CEP63: variants seen among roughly 807,000 people sequenced by gnomAD.
CEP63 encodes the protein centrosomal protein of 63 kDa.
A neutral mutation model predicts 89.1 loss-of-function variants in CEP63; 84 were observed. That is an observed-to-expected ratio of 0.94 (90% CI 0.79 to 1.13). The LOEUF (loss-of-function observed/expected upper bound fraction) is 1.13. Ranked by LOEUF, CEP63 falls within the 50% of genes most tolerant of loss-of-function variation. The pLI, the probability that CEP63 is intolerant of heterozygous loss-of-function variation, is 0.00. For missense variants in CEP63, 838 were observed against 813.3 expected, an observed-to-expected ratio of 1.03 and a Z score of -0.37; for synonymous variants, 267 against 272.5, an observed-to-expected ratio of 0.98 and a Z score of 0.20.
the CEP63 span, among the ~76,000 whole-genome samples, chr3:134,618,708 G>T: frequency 1.3e-5 from 2 of 152,202 alleles, no homozygotes; most frequent in African/African-American, 4.8e-5. Flanking sequence ...TGATTCAGCT[G>T]TCCAACTGAC....
chr3:134,674,411 G>A, the CEP63 span, among the ~76,000 whole-genome samples: 3 of 151,992 alleles, frequency 2.0e-5, no homozygotes, highest in South Asian at 2.1e-4. Flanking sequence ...AAAAACACTC[G>A]ACAAACTAGG....
the CEP63 span, among the ~76,000 whole-genome samples, chr3:134,641,777 T>G: frequency 6.6e-6 from 1 of 152,170 alleles, no homozygotes; most frequent in African/African-American, 2.4e-5. Context: ...ACTTCCCCCT[T>G]ATACCTTATC....
the CEP63 span, among the ~76,000 whole-genome samples, chr3:134,634,399 A>C: frequency 1.3e-4 from 20 of 152,254 alleles, no homozygotes; most frequent in Non-Finnish European, 2.8e-4. Context: ...AAGAGGATAG[A>C]TAAACAGATC....
rs1957683285 is a variant in CEP63 at position 134,564,932 on chromosome 3, G to A, written c.*3397G>A. 3 of 983,370 alleles carry A rather than the reference G, an allele frequency of 3.1e-6. No individual in the cohort carries two copies. Among genetic ancestry groups the A allele is most frequent in the South Asian group, 9.4e-5 (2 of 21,220 alleles). 60.9% of individuals were successfully genotyped at this position (983,370 alleles called of 1,614,324 possible). ...AAGCTGAAGTATCTAATAGTTAATG[G>A]GTTGTCCAAATTTGTCAGAACATTT... On this transcript the variant is annotated 3_prime_UTR_variant, in exon 15 of 15. Coordinates refer to ENST00000675561, the MANE Select transcript of CEP63 (RefSeq NM_001353108.3).
the CEP63 span, among the ~76,000 whole-genome samples, chr3:134,741,042 G>T: frequency 6.6e-6 from 1 of 152,150 alleles, no homozygotes; most frequent in Non-Finnish European, 1.5e-5. Flanking sequence ...GGGTGGGGGA[G>T]TGTAAGCTGA....
chr3:134,597,565 A>G, the CEP63 span, among the ~76,000 whole-genome samples: 1 of 152,316 alleles, frequency 6.6e-6, no homozygotes, highest in South Asian at 2.1e-4. Flanking sequence ...AGCACCTTCA[A>G]GGTCTGCCTG....
the CEP63 span, among the ~76,000 whole-genome samples, chr3:134,752,014 C>T: frequency 6.6e-6 from 1 of 152,150 alleles, no homozygotes; most frequent in African/African-American, 2.4e-5. Flanking sequence ...TCACTACTCC[C>T]CTGGGCCTGA....
chr3:134,486,626 C>T (rs1056750065), intron 1 of CEP63: 1 of 830,410 alleles, frequency 1.2e-6, no homozygotes, highest in African/African-American at 1.8e-5. Context: ...GCGGAGAGAC[C>T]CCAGTGCGGC....
the CEP63 span, chr3:134,619,161 C>T: frequency 1.1e-5 from 18 of 1,613,632 alleles, no homozygotes; most frequent in Admixed American, 1.0e-4. Context: ...CACATTCTCT[C>T]GAAGAGGCCA....
the CEP63 span, chr3:134,610,645 C>G: frequency 2.4e-6 from 1 of 415,110 alleles, no homozygotes; most frequent in Non-Finnish European, 4.3e-6. Context: ...GAGACCAACA[C>G]CATTCAGATC....
At chr3:134,664,519 C>T in the CEP63 span, among the ~76,000 whole-genome samples, 1 of 152,214 alleles carries the variant, frequency 6.6e-6, no homozygotes, top group East Asian at 1.9e-4. Flanking sequence ...GTGCATGTAC[C>T]TCACTCTGGG....
chr3:134,650,996 G>T, the CEP63 span: 21 of 1,611,548 alleles, frequency 1.3e-5, no homozygotes, highest in Admixed American at 2.3e-4. Context: ...CGCCGCGGCC[G>T]CACGCTAGGC....
At chr3:134,768,613 G>T in the CEP63 span, among the ~76,000 whole-genome samples, 3 of 152,184 alleles carry the variant, frequency 2.0e-5, no homozygotes, top group Non-Finnish European at 2.9e-5. Flanking sequence ...TACTTGTATG[G>T]CTGACTCTAA....
chr3:134,623,942 T>C, the CEP63 span, among the ~76,000 whole-genome samples: 1 of 152,144 alleles, frequency 6.6e-6, no homozygotes, highest in Non-Finnish European at 1.5e-5. Flanking sequence ...TCCTATGGCT[T>C]CAGCTCTTAA....
chr3:134,711,926 CT>C, the CEP63 span, among the ~76,000 whole-genome samples: 1 of 151,972 alleles, frequency 6.6e-6, no homozygotes. Context: ...CCATGCCCGG[CT>C]AATTTTTATA....
At chr3:134,565,105 TA>T, downstream of CEP63, 1 of 279,646 alleles carries the variant, frequency 3.6e-6, no homozygotes. Context: ...ATGAAAAGAT[TA>T]GGGATTTGTA....
the CEP63 span, among the ~76,000 whole-genome samples, chr3:134,738,234 C>T: frequency 2.2e-5 from 3 of 135,304 alleles, no homozygotes; most frequent in South Asian, 2.4e-4. Context: ...TTTATGGCTG[C>T]GTAGTATTCC....
downstream of CEP63, among the ~76,000 whole-genome samples, chr3:134,575,237 T>TCCCTC (rs1958178226): frequency 1.2e-4 from 1 of 8,002 alleles, no homozygotes; most frequent in Non-Finnish European, 2.0e-4. Flanking sequence ...CTCCCTCCCT[T>TCCCTC]CCTTCCTTCC....
At chr3:134,676,722 T>A in the CEP63 span, among the ~76,000 whole-genome samples, 2 of 152,120 alleles carry the variant, frequency 1.3e-5, no homozygotes, top group Non-Finnish European at 2.9e-5. Flanking sequence ...GCCCCTATAA[T>A]CAGTTGTGCC....
Sources: allele counts gnomAD v4.1 joint callset (sites outside exome capture counted in the v4.1 genomes callset), GRCh38; gene constraint gnomAD v4.1.1; transcripts MANE v1.5; gene names NCBI Gene and HGNC (gene_info 2026-07-23, HGNC 2026-07-21).